The following TBCD variants were observed in gnomAD, a reference collection of about 807,000 sequenced individuals.
TBCD encodes the protein tubulin folding cofactor D, also known as tubulin-specific chaperone D.
Under a neutral mutation model 169.3 loss-of-function variants are expected in TBCD, and 105 were observed. The observed-to-expected ratio is 0.62, with a 90% confidence interval of 0.53 to 0.73. The LOEUF (loss-of-function observed/expected upper bound fraction) is 0.73, where lower values mean the gene tolerates loss of function less well. Ranked by LOEUF, TBCD falls within the 30% of genes least tolerant of loss-of-function variation. TBCD has a pLI of 0.00. For synonymous variants in TBCD, 700 were observed against 643.9 expected, an observed-to-expected ratio of 1.09 and a Z score of -1.32; for missense variants, 1,444 against 1,600.1, an observed-to-expected ratio of 0.90 and a Z score of 1.66.
chr17:82,909,390 C>G, intron 22 of TBCD, 83 bp downstream of exon 22: 1 of 1,183,882 alleles, frequency 8.4e-7, no homozygotes, highest in Non-Finnish European at 1.2e-6. Context: ...CGGGTGTGTT[C>G]GCTTCCCTCT....
At chr17:82,941,321 G>A in intron 37 of TBCD, 78 bp from the exon 38 acceptor site, 1 of 1,292,356 alleles carries the variant, frequency 7.7e-7, no homozygotes, top group East Asian at 2.6e-5. Context: ...GGCCATGGAA[G>A]CTTGACGCGG....
intron 6 of TBCD, among the ~76,000 whole-genome samples, chr17:82,774,611 C>T (rs538150749): frequency 1.3e-5 from 2 of 152,140 alleles, no homozygotes; most frequent in Non-Finnish European, 2.9e-5. Flanking sequence ...CTCCTCACTT[C>T]CCAGACTTGG....
intron 7 of TBCD, among the ~76,000 whole-genome samples, chr17:82,784,502 C>G (rs575665836): frequency 6.6e-6 from 1 of 152,268 alleles, no homozygotes; most frequent in African/African-American, 2.4e-5. Flanking sequence ...CTCGGACGTA[C>G]CCACTGTGCC....
At chr17:82,820,003 G>C (rs1219485884) in intron 13 of TBCD, among the ~76,000 whole-genome samples, 2 of 150,426 alleles carry the variant, frequency 1.3e-5, no homozygotes, top group East Asian at 3.9e-4. Flanking sequence ...TTTTGAGACA[G>C]AGTCTTGCTC....
intron 37 of TBCD, among the ~76,000 whole-genome samples, 189 bp downstream of exon 37, chr17:82,939,665 G>A (rs1037460885): frequency 6.6e-5 from 10 of 152,146 alleles, no homozygotes; most frequent in African/African-American, 1.4e-4. Context: ...CTTCTCAACC[G>A]CCCTGTCCCC....
At chr17:82,891,043 GGCCAGA>G (rs1225752713) in intron 16 of TBCD, among the ~76,000 whole-genome samples, 1 of 152,258 alleles carries the variant, frequency 6.6e-6, no homozygotes, top group Non-Finnish European at 1.5e-5. Context: ...GGCGTGCTGA[GGCCAGA>G]GCCCGGGGTG....
chr17:82,927,483 G>C (rs149369162), intron 29 of TBCD, among the ~76,000 whole-genome samples, 160 bp downstream of exon 29: 1 of 152,190 alleles, frequency 6.6e-6, no homozygotes, highest in Admixed American at 6.5e-5. Context: ...CTCTGCTCCC[G>C]GGTGAGCCTG....
chr17:82,939,244 C>T lies in TBCD; in HGVS notation c.3370-123C>T. 3.9e-6 allele frequency: 3 copies of T among 766,760 alleles called. 1 individual carries two copies. The South Asian group carries it at 4.4e-5, about 11-fold the overall frequency. 47.5% of individuals were successfully genotyped at this position (766,760 alleles called of 1,614,324 possible). A position where few individuals can be genotyped will look rare whatever the true frequency, so the allele number is the denominator to read the frequency against. On this transcript the variant is annotated intron_variant, in intron 36 of 38. Coordinates refer to ENST00000355528, the MANE Select transcript of TBCD (RefSeq NM_005993.5). The stretch of plus-strand genomic sequence containing the variant: ...GCCCTGCTGTGGCTGGGATGGGATG[C>T]AGGGTCAGCGTCCTCCTCCTGACGC...
rs1248462616 is a variant in TBCD at position 82,942,385 on chromosome 17, C to G, written c.3565-64C>G. The G allele has an allele frequency of 2.5e-6, 4 of 1,611,878 alleles. 1 individual carries two copies. Among genetic ancestry groups the G allele is most frequent in the South Asian group, 2.2e-5 (2 of 90,700 alleles). The stretch of plus-strand genomic sequence containing the variant: ...ACACAGGGCCCAGAGGGGTGAGGGT[C>G]CCCTGGCTGGGAATGGTGTGTGTTG... On this transcript the variant is annotated intron_variant, in intron 38 of 38. Coordinates refer to ENST00000355528, the MANE Select transcript of TBCD (RefSeq NM_005993.5).
rs2059004218 is a variant in TBCD at position 82,889,812 on chromosome 17, A to G, written c.1563+115A>G. 1 of 1,240,922 alleles carries G rather than the reference A, an allele frequency of 8.1e-7. No individual in the cohort carries two copies. The highest frequency in any genetic ancestry group is 1.4e-5 in the South Asian group (1 of 72,098). The allele number at this position is 1,240,922 out of a possible 1,614,324, so 76.9% of individuals were successfully genotyped here. A position where few individuals can be genotyped will look rare whatever the true frequency, so the allele number is the denominator to read the frequency against. ...GCACTGTGAGATGTGGTGTGGCTAC[A>G]TCAATGCCAGGGTCATGAGTTCACT... On this transcript the variant is annotated intron_variant, in intron 16 of 38. Coordinates refer to ENST00000355528, the MANE Select transcript of TBCD (RefSeq NM_005993.5). This position sits in a 1 kb window ranked among gnomAD's most constrained non-coding sequence, Gnocchi z 5.3.
At chr17:82,937,134 C>A in intron 34 of TBCD, 137 bp from the exon 35 acceptor site, 1 of 699,812 alleles carries the variant, frequency 1.4e-6, no homozygotes, top group Non-Finnish European at 2.4e-6. Flanking sequence ...GACTTGCTGG[C>A]AGAGGGGCCT....
At chr17:82,825,887 C>T (rs1436024424) in intron 13 of TBCD, among the ~76,000 whole-genome samples, 2 of 152,172 alleles carry the variant, frequency 1.3e-5, no homozygotes, top group African/African-American at 4.8e-5. Flanking sequence ...ATCACTTGAG[C>T]CCCGGGAGGT....
chr17:82,763,138 C>G (rs145416534), intron 2 of TBCD, among the ~76,000 whole-genome samples: 1 of 152,160 alleles, frequency 6.6e-6, no homozygotes, highest in Non-Finnish European at 1.5e-5. Flanking sequence ...GTTCCTGAAA[C>G]AGGAGTGTCG....
At position 82,774,940 on chromosome 17, in the gene TBCD, G is replaced by A. The variant is rs1442858817; in HGVS notation, c.638+2433G>A. 5.3e-5 allele frequency among the ~76,000 whole-genome samples: 8 copies of A among 152,322 alleles called. No homozygotes were observed. The East Asian group carries it at 1.5e-3, about 29-fold the overall frequency. Reference sequence around the variant, plus strand: ...AACCTTAAGAATGTTTGCCAACTTCGTTCAATGGGAAATAGTATCTGCTTT... The same window carrying A: ...AACCTTAAGAATGTTTGCCAACTTCATTCAATGGGAAATAGTATCTGCTTT... On this transcript the variant is annotated intron_variant, in intron 6 of 38. Transcript: ENST00000355528.
At chr17:82,865,425 C>T (rs1256936609) in intron 13 of TBCD, 2 of 978,150 alleles carry the variant, frequency 2.0e-6, no homozygotes, top group Non-Finnish European at 2.4e-6. Context: ...CTGCAGGGGC[C>T]TGAGCAGTCG....
intron 7 of TBCD, among the ~76,000 whole-genome samples, chr17:82,785,661 G>A (rs1450607717): frequency 3.2e-5 from 3 of 95,038 alleles, no homozygotes; most frequent in African/African-American, 8.9e-5. Flanking sequence ...TGTGTGACTG[G>A]GACCACTGGA....
intron 38 of TBCD, chr17:82,942,096 G>A: frequency 2.4e-6 from 1 of 418,068 alleles, no homozygotes. Flanking sequence ...TCAGGACACA[G>A]CCTCCCCCAT....
chr17:82,857,188 A>G (rs1436582205), intron 13 of TBCD, among the ~76,000 whole-genome samples: 1 of 152,150 alleles, frequency 6.6e-6, no homozygotes, highest in Non-Finnish European at 1.5e-5. Context: ...TGTGATTTTG[A>G]TTTGAATTTT....
At chr17:82,869,726 G>C (rs953909647) in intron 13 of TBCD, among the ~76,000 whole-genome samples, 1 of 152,172 alleles carries the variant, frequency 6.6e-6, no homozygotes, top group African/African-American at 2.4e-5. Flanking sequence ...GTTCACCCCA[G>C]ACCTGCTCTG....
Sources: allele counts gnomAD v4.1 joint callset (sites outside exome capture counted in the v4.1 genomes callset), GRCh38; gene constraint gnomAD v4.1.1; non-coding constraint Gnocchi (gnomAD v3.1); transcripts MANE v1.5; gene names NCBI Gene and HGNC (gene_info 2026-07-23, HGNC 2026-07-21).